The following LRRC37B variants were observed in gnomAD, a reference collection of about 807,000 sequenced individuals.
LRRC37B encodes leucine-rich repeat-containing protein 37B.
Under a neutral mutation model 98.3 loss-of-function variants are expected in LRRC37B, and 28 were observed. The ratio of observed to expected loss-of-function variants is 0.28; its 90% CI spans 0.21 to 0.39. The LOEUF is 0.39. LRRC37B is among the 10% of genes least tolerant of loss of function. LRRC37B has a pLI of 1.00. For missense variants in LRRC37B, 938 were observed against 1,182.7 expected (o/e 0.79, Z 3.03); for synonymous variants, 364 against 442.7 (o/e 0.82, Z 2.23).
intron 8 of LRRC37B, among the ~76,000 whole-genome samples, chr17:32,046,173 A>G (rs1474917965): frequency 6.6e-6 from 1 of 152,230 alleles, no homozygotes; most frequent in African/African-American, 2.4e-5. Flanking sequence ...AGCTGGTTTT[A>G]TATCTGTGAG....
At chr17:32,020,319 A>T (rs1179937480), upstream of LRRC37B, among the ~76,000 whole-genome samples, 1 of 152,180 alleles carries the variant, frequency 6.6e-6, no homozygotes, top group Non-Finnish European at 1.5e-5. Flanking sequence ...TCAGGAAATG[A>T]TTTAACATGC....
chr17:32,011,112 T>C lies in LRRC37B; in HGVS notation c.-191+2980T>C, dbSNP rs369272625. ...CCTGGGTTCAAGCGATTCTCCTGCC[T>C]CAGCCTCCCAAGTAGCTGGGACTAC... On this transcript the variant is annotated intron_variant, in intron 1 of 14. Transcript: ENST00000543378. 2.7e-3 allele frequency among the ~76,000 whole-genome samples: 405 copies of C among 151,866 alleles called. 3 individuals carry two copies. The highest frequency in any genetic ancestry group is 8.7e-3 in the African/African-American group (360 of 41,398).
upstream of LRRC37B, among the ~76,000 whole-genome samples, chr17:32,016,523 C>CA (rs540633148): frequency 5.3e-5 from 8 of 152,288 alleles, no homozygotes; most frequent in Middle Eastern, 3.4e-3. Flanking sequence ...CATGAGTTTC[C>CA]AAAATCCTAC....
upstream of LRRC37B, chr17:32,020,745 A>G (rs1910745951): frequency 4.2e-6 from 2 of 477,970 alleles, no homozygotes; most frequent in East Asian, 8.5e-5. Flanking sequence ...TTCACCTCAG[A>G]GGAGGAAGAA....
At chr17:32,040,697 G>A (rs994758691) in intron 7 of LRRC37B, 38 of 780,300 alleles carry the variant, frequency 4.9e-5, no homozygotes, top group Non-Finnish European at 7.9e-5. Flanking sequence ...AGTTGGAGGG[G>A]CTCCTGAGCG....
chr17:32,007,836 C>A (rs1457180842), upstream of LRRC37B: 2 of 1,170,708 alleles, frequency 1.7e-6, no homozygotes, highest in Non-Finnish European at 2.1e-6. This position sits in a 1 kb window ranked among gnomAD's most constrained non-coding sequence, Gnocchi z 4.1. Context: ...GCCACCGCCG[C>A]CGGCCCGCCC....
chr17:32,012,179 C>T (rs576162857), intron 1 of LRRC37B, among the ~76,000 whole-genome samples: 1 of 152,312 alleles, frequency 6.6e-6, no homozygotes, highest in East Asian at 1.9e-4. Flanking sequence ...TTAAGGTCTG[C>T]TCTATCCTTG....
intron 1 of LRRC37B, among the ~76,000 whole-genome samples, chr17:32,024,005 A>G (rs1910876371): frequency 1.3e-5 from 2 of 151,912 alleles, no homozygotes; most frequent in Non-Finnish European, 2.9e-5. Context: ...AGAGTACACA[A>G]TGAGGTATGG....
chr17:32,022,257 A>C (rs558903722), exon 1 of LRRC37B: 2 of 1,613,896 alleles, frequency 1.2e-6, no homozygotes, highest in Non-Finnish European at 1.7e-6. Flanking sequence ...GGAGGCCCCA[A>C]TTCAGCCTCC....
rs202063240 is a variant in LRRC37B at position 32,034,920 on chromosome 17, C to T, written c.2068C>T (p.Arg690Cys). ...CATTGCATTTTTCAGAATTCTCAAT[C>T]GCAATCCTCTGACTACTGTCGAAGA... Residue 690 changes from arginine to cysteine, a missense_variant, in exon 6 of 12, where the codon CGC (arginine) becomes TGC (cysteine). Arg to Cys is a radical substitution (Grantham distance 180). Around this residue, in one of 2 missense-constraint regions of LRRC37B, gnomAD observed 328 missense variants for 557.0 expected, o/e 0.59. Transcript: ENST00000327564. 1.9e-5 allele frequency: 30 copies of T among 1,610,998 alleles called. No homozygotes were observed. In the East Asian group the frequency reaches 2.0e-4, roughly 11 times the overall value.
chr17:32,034,518 A>C (rs1911190213), intron 5 of LRRC37B, among the ~76,000 whole-genome samples: 1 of 151,778 alleles, frequency 6.6e-6, no homozygotes, highest in African/African-American at 2.4e-5. Flanking sequence ...AAAAAAAAAA[A>C]AAAAAACAAC....
At chr17:32,048,659 C>A (rs2627102) in intron 9 of LRRC37B, among the ~76,000 whole-genome samples, 11 of 152,156 alleles carry the variant, frequency 7.2e-5, no homozygotes, top group Admixed American at 2.0e-4. Flanking sequence ...AACTCACTCC[C>A]GTGTGGCCCA....
chr17:32,007,919 A>C, upstream of LRRC37B: 1 of 665,292 alleles, frequency 1.5e-6, no homozygotes, highest in South Asian at 6.8e-5. The surrounding 1 kb of genome is among the most constrained non-coding windows in gnomAD (Gnocchi z 4.1). Flanking sequence ...CGCAGCCCGG[A>C]GGGCTGTCAA....
chr17:32,038,335 T>C (rs1911311761), intron 7 of LRRC37B, among the ~76,000 whole-genome samples: 1 of 152,080 alleles, frequency 6.6e-6, no homozygotes, highest in Non-Finnish European at 1.5e-5. Flanking sequence ...GGTGCTCACC[T>C]GTGGTCCCAG....
intron 8 of LRRC37B, chr17:32,047,105 A>G: frequency 6.4e-6 from 1 of 155,756 alleles, no homozygotes; most frequent in Non-Finnish European, 1.4e-5. Context: ...TCCCTGCCCA[A>G]ATTTAAGAAA....
intron 1 of LRRC37B, among the ~76,000 whole-genome samples, chr17:32,015,804 A>G (rs1226467001): frequency 1.3e-5 from 2 of 152,212 alleles, no homozygotes; most frequent in Non-Finnish European, 2.9e-5. Context: ...TAAAGGAGTC[A>G]ACAAATGAGC....
upstream of LRRC37B, chr17:32,020,869 G>A (rs1158287315): frequency 1.5e-5 from 11 of 753,546 alleles, no homozygotes; most frequent in South Asian, 4.2e-5. Flanking sequence ...ACAGCAGGCC[G>A]CTGGAGTCCT....
upstream of LRRC37B, chr17:32,020,653 A>G (rs1910743116): frequency 2.8e-6 from 1 of 360,734 alleles, no homozygotes; most frequent in Middle Eastern, 5.9e-4. Context: ...AAATGACTGT[A>G]ACGCGCGTCC....
exon 1 of LRRC37B, chr17:32,022,421 AACTACAGAGCCT>A (rs779984369): frequency 1.5e-4 from 235 of 1,613,176 alleles, no homozygotes; most frequent in Non-Finnish European, 1.5e-4. Context: ...AGCTTAGCAT[AACTACAGAGCCT>A]ACTACAGAGG....
Sources: gnomAD v4.1 joint callset for allele counts (sites outside exome capture counted in the v4.1 genomes callset) on GRCh38, gnomAD v4.1.1 for gene constraint, gnomAD v4.1.1 regional missense constraint, Gnocchi (gnomAD v3.1) non-coding constraint, MANE v1.5 for transcripts, NCBI Gene and HGNC (gene_info 2026-07-23, HGNC 2026-07-21) for gene names.